The following PLCE1 variants were observed in gnomAD, a reference collection of about 807,000 sequenced individuals.
PLCE1 encodes the protein phospholipase C epsilon 1.
Under a neutral mutation model 242.8 loss-of-function variants are expected in PLCE1, and 119 were observed. The ratio of observed to expected loss-of-function variants is 0.49; its 90% confidence interval spans 0.42 to 0.57. The LOEUF (loss-of-function observed/expected upper bound fraction) is 0.57, where lower values mean the gene tolerates loss of function less well. PLCE1 is among the 20% of genes least tolerant of loss of function. The pLI, the probability that PLCE1 is intolerant of heterozygous loss-of-function variation, is 0.00. For synonymous variants in PLCE1, 945 were observed against 1,017.4 expected, an observed-to-expected ratio of 0.93 and a Z score of 1.35; for missense variants, 2,441 against 2,788.8, an observed-to-expected ratio of 0.88 and a Z score of 2.81.
intron 4 of PLCE1, among the ~76,000 whole-genome samples, chr10:94,214,654 A>G (rs1470174746): frequency 2.6e-5 from 4 of 152,020 alleles, no homozygotes; most frequent in Admixed American, 1.3e-4. Flanking sequence ...CTGCTCCATC[A>G]TTATTGTTGG....
At position 94,262,707 on chromosome 10, in the gene PLCE1, A is replaced by G. The variant is rs775326157; in HGVS notation, c.4028A>G (p.Tyr1343Cys). Reference protein sequence around the residue: ...LVNCQGEHCTYDEILSIIQKF... With the variant: ...LVNCQGEHCTCDEILSIIQKF... ...AATTGCCAAGGAGAACACTGCACTT[A>G]TGATGAAATCCTCAGCATCATCCAG... Residue 1343 changes from tyrosine to cysteine, a missense_variant, in exon 14 of 33, where the codon TAT becomes TGT. Physicochemically the swap from Tyr to Cys is radical, Grantham distance 194. Transcript: ENST00000371380. 10 of 1,613,486 alleles carry G rather than the reference A, an allele frequency of 6.2e-6. No individual in the cohort carries two copies. The highest frequency in any genetic ancestry group is 2.2e-5 in the South Asian group (2 of 91,072).
chr10:94,029,267 A>G (rs910131953), intron 1 of PLCE1, among the ~76,000 whole-genome samples: 2 of 152,190 alleles, frequency 1.3e-5, no homozygotes, highest in African/African-American at 2.4e-5. Context: ...TTTGGCCTGA[A>G]AAATCTCTTT....
intron 32 of PLCE1, among the ~76,000 whole-genome samples, chr10:94,327,240 A>G (rs2054056638): frequency 6.6e-6 from 1 of 152,124 alleles, no homozygotes; most frequent in African/African-American, 2.4e-5. Flanking sequence ...GACCTCCTTT[A>G]CAATGGTCTT....
chr10:94,283,392 A>G, intron 20 of PLCE1: 1 of 269,542 alleles, frequency 3.7e-6, no homozygotes, highest in South Asian at 4.1e-5. Context: ...TGTACCTTCT[A>G]GAAGTGCTTC....
chr10:94,181,454 T>C (rs2048308930), intron 4 of PLCE1, among the ~76,000 whole-genome samples: 2 of 151,896 alleles, frequency 1.3e-5, no homozygotes, highest in South Asian at 2.1e-4. Context: ...CAGGCGCCTG[T>C]AGTCCCAGCT....
intron 1 of PLCE1, among the ~76,000 whole-genome samples, chr10:94,027,963 A>G (rs535215378): frequency 5.3e-5 from 8 of 152,336 alleles, no homozygotes; most frequent in African/African-American, 1.7e-4. Flanking sequence ...ATAAAACAGC[A>G]TAGTCTATGG....
intron 2 of PLCE1, among the ~76,000 whole-genome samples, chr10:94,032,970 CA>C (rs1428062642): frequency 1.3e-5 from 2 of 151,410 alleles, no homozygotes; most frequent in Non-Finnish European, 2.9e-5. Context: ...TTGTAAGAAA[CA>C]AAAAATAACA....
intron 4 of PLCE1, among the ~76,000 whole-genome samples, chr10:94,204,557 A>G (rs1266052014): frequency 6.6e-6 from 1 of 151,974 alleles, no homozygotes; most frequent in Non-Finnish European, 1.5e-5. Flanking sequence ...AATCCCAGCT[A>G]CTCGGGAAAC....
At chr10:94,062,117 T>A (rs2044070308) in intron 2 of PLCE1, among the ~76,000 whole-genome samples, 1 of 152,246 alleles carries the variant, frequency 6.6e-6, no homozygotes, top group Non-Finnish European at 1.5e-5. Context: ...GCACTAGATA[T>A]GAGTTAGCTA....
At chr10:94,062,763 G>A (rs1589943263) in intron 2 of PLCE1, among the ~76,000 whole-genome samples, 2 of 152,074 alleles carry the variant, frequency 1.3e-5, no homozygotes, top group South Asian at 4.2e-4. Context: ...GTCAACTGTT[G>A]TCTTTCTGAG....
At position 94,298,358 on chromosome 10, in the gene PLCE1, C is replaced by A; in HGVS notation, c.5168-21C>A. On this transcript the variant is annotated intron_variant, in intron 23 of 32. Transcript: ENST00000371380. This position sits in a 1 kb window ranked among gnomAD's most constrained non-coding sequence, Gnocchi z 5.2. Reference sequence around the variant, plus strand: ...TAAAGTTTTCTACACTAATCTGCGGCTAATTTCTTGGGGGGTTTAGGTTCC... The same window carrying A: ...TAAAGTTTTCTACACTAATCTGCGGATAATTTCTTGGGGGGTTTAGGTTCC... The A allele has an allele frequency of 6.2e-7, 1 of 1,612,508 alleles. No homozygotes were observed. Among genetic ancestry groups the A allele is most frequent in the East Asian group, 2.2e-5 (1 of 44,868 alleles).
chr10:94,302,479 A>G (rs533896814), intron 24 of PLCE1, among the ~76,000 whole-genome samples: 74 of 151,836 alleles, frequency 4.9e-4, no homozygotes, highest in African/African-American at 1.7e-3. Flanking sequence ...CTATTAGGGT[A>G]GACACGGTGC....
At chr10:94,288,011 A>G (rs917576727) in intron 22 of PLCE1, among the ~76,000 whole-genome samples, 7 of 152,018 alleles carry the variant, frequency 4.6e-5, no homozygotes, top group South Asian at 4.2e-4. Context: ...ATTTATAGGC[A>G]TATGTTTGGG....
chr10:94,314,382 G>A (rs144599514), intron 28 of PLCE1, among the ~76,000 whole-genome samples: 3,097 of 152,236 alleles, frequency 0.02, 41 homozygotes, highest in Non-Finnish European at 0.028. Flanking sequence ...GGCGGATCAC[G>A]AGGTCAAGAG....
chr10:94,077,278 T>TA (rs2044533164), intron 2 of PLCE1, among the ~76,000 whole-genome samples: 1 of 152,190 alleles, frequency 6.6e-6, no homozygotes, highest in Non-Finnish European at 1.5e-5. Context: ...TGGCATCTAA[T>TA]GGGTAGTGGC....
chr10:94,015,332 T>C (rs1281850335), intron 1 of PLCE1, among the ~76,000 whole-genome samples: 1 of 152,064 alleles, frequency 6.6e-6, no homozygotes, highest in Non-Finnish European at 1.5e-5. Context: ...AGGTTATTAG[T>C]CAGGATAGAA....
At chr10:94,221,133 T>A (rs1256038145) in intron 4 of PLCE1, among the ~76,000 whole-genome samples, 2 of 152,196 alleles carry the variant, frequency 1.3e-5, no homozygotes, top group Non-Finnish European at 2.9e-5. Flanking sequence ...CATATAAGAA[T>A]CACCAGGGAG....
At chr10:94,161,170 AAGT>A (rs1446624083) in intron 3 of PLCE1, among the ~76,000 whole-genome samples, 1 of 152,168 alleles carries the variant, frequency 6.6e-6, no homozygotes, top group Non-Finnish European at 1.5e-5. Flanking sequence ...ATGAACTTAA[AAGT>A]AGTTTTTTCC....
At chr10:94,135,118 C>G (rs966740753) in intron 3 of PLCE1, among the ~76,000 whole-genome samples, 1 of 152,048 alleles carries the variant, frequency 6.6e-6, no homozygotes. Flanking sequence ...ATTAGAAAAC[C>G]AGATGGGTTT....
Sources: gnomAD v4.1 joint callset for allele counts (sites outside exome capture counted in the v4.1 genomes callset) on GRCh38, gnomAD v4.1.1 for gene constraint, Gnocchi (gnomAD v3.1) non-coding constraint, MANE v1.5 for transcripts, NCBI Gene and HGNC (gene_info 2026-07-23, HGNC 2026-07-21) for gene names.